Variants in ATF1 observed in about 807,000 individuals in gnomAD.
The protein encoded by ATF1 is cyclic AMP-dependent transcription factor ATF-1.
ATF1 carries 16 observed loss-of-function variants against 34.7 expected under a neutral mutation model. The observed-to-expected ratio is 0.46, with a 90% CI of 0.31 to 0.70. ATF1 has a LOEUF of 0.70. ATF1 is among the 30% of genes least tolerant of loss of function. ATF1 has a pLI of 0.05. For missense variants in ATF1, 255 were observed against 321.6 expected (o/e 0.79, Z 1.58); for synonymous variants, 105 against 113.1 (o/e 0.93, Z 0.46).
At position 50,776,512 on chromosome 12, in the gene ATF1, A is replaced by G. The variant is rs1018620852; in HGVS notation, c.-6-3628A>G. ...TGTCTTTAAAAAAAAAAAAAAAAAA[A>G]GAAGGAAAACACTTGAGACTCTGGT... On this transcript the variant is annotated intron_variant, in intron 1 of 6. Transcript: ENST00000262053. 1.5e-4 allele frequency among the ~76,000 whole-genome samples: 23 copies of G among 149,512 alleles called. 1 individual carries two copies. Among genetic ancestry groups the G allele is most frequent in the Admixed American group, 1.3e-3 (19 of 14,906 alleles).
At chr12:50,800,560 A>C (rs961250391) in intron 3 of ATF1, among the ~76,000 whole-genome samples, 3 of 152,164 alleles carry the variant, frequency 2.0e-5, no homozygotes, top group African/African-American at 7.2e-5. Context: ...CGGGTGAGCG[A>C]GCCTTAGCAC....
At chr12:50,812,451 C>G (rs1941756578) in intron 4 of ATF1, among the ~76,000 whole-genome samples, 1 of 152,002 alleles carries the variant, frequency 6.6e-6, no homozygotes, top group African/African-American at 2.4e-5. Flanking sequence ...TATGTTGATA[C>G]TTATATAAAT....
intron 3 of ATF1, among the ~76,000 whole-genome samples, chr12:50,796,836 G>A (rs568370028): frequency 2.6e-5 from 4 of 152,142 alleles, no homozygotes; most frequent in African/African-American, 9.6e-5. Flanking sequence ...TAAGCTCTTC[G>A]ACATTGACCT....
intron 1 of ATF1, among the ~76,000 whole-genome samples, chr12:50,765,496 T>G (rs1940610848): frequency 6.6e-6 from 1 of 152,300 alleles, no homozygotes. Flanking sequence ...GTGCTATCTT[T>G]GCCAGTTTTT....
In ATF1 at chr12:50,820,567, A is replaced by G. The variant is rs1443241234; in HGVS notation, c.*788A>G. On this transcript the variant is annotated 3_prime_UTR_variant, in exon 7 of 7. Coordinates refer to ENST00000262053, the MANE Select transcript of ATF1 (RefSeq NM_005171.5). ...GAGTCTATATTCTGTATGCAGTTGA[A>G]TATCCATTACTTATTCTGCTGTGCT... 1.1e-5 allele frequency: 2 copies of G among 179,452 alleles called. No homozygotes were observed. Among genetic ancestry groups the G allele is most frequent in the African/African-American group, 4.7e-5 (2 of 42,436 alleles). 11.1% of individuals were successfully genotyped at this position (179,452 alleles called of 1,614,324 possible).
At chr12:50,812,679 C>T (rs1483911076) in intron 4 of ATF1, among the ~76,000 whole-genome samples, 1 of 151,994 alleles carries the variant, frequency 6.6e-6, no homozygotes, top group Non-Finnish European at 1.5e-5. Flanking sequence ...TAAAAATTAG[C>T]TGAGCATGTC....
chr12:50,811,216 C>T (rs1162648787), intron 4 of ATF1, among the ~76,000 whole-genome samples: 1 of 152,150 alleles, frequency 6.6e-6, no homozygotes, highest in South Asian at 2.1e-4. Flanking sequence ...ATATGTGGCT[C>T]CTCCCTTTAG....
At chr12:50,809,313 G>T in intron 3 of ATF1, 143 bp from the exon 4 acceptor site, 1 of 661,942 alleles carries the variant, frequency 1.5e-6, no homozygotes, top group Admixed American at 3.1e-5. Context: ...AGCAGAGGTT[G>T]CAGTGAGCCA....
intron 3 of ATF1, among the ~76,000 whole-genome samples, chr12:50,801,885 CCT>C (rs10585154): frequency 0.017 from 2,636 of 152,092 alleles, 80 homozygotes; most frequent in African/African-American, 0.061. Context: ...GTGGATATCC[CCT>C]CTCACCACTT....
In ATF1 at chr12:50,809,450, T is replaced by A; in HGVS notation, c.195-6T>A. ...ATGTTTAATAGAGTTCTGGTTTTTT[T>A]TACAGAAAAATTTTGAAAGACTTAT... On this transcript the variant is annotated splice_region_variant and splice_polypyrimidine_tract_variant and intron_variant, in intron 3 of 6. Coordinates refer to ENST00000262053, the MANE Select transcript of ATF1 (RefSeq NM_005171.5). The A allele has an allele frequency of 6.2e-7, 1 of 1,608,870 alleles. No individual in the cohort carries two copies. Among genetic ancestry groups the A allele is most frequent in the Non-Finnish European group, 8.5e-7 (1 of 1,176,764 alleles).
chr12:50,803,632 A>C (rs1261877055), intron 3 of ATF1, among the ~76,000 whole-genome samples: 3 of 152,222 alleles, frequency 2.0e-5, no homozygotes, highest in Non-Finnish European at 4.4e-5. Flanking sequence ...CATTTATATG[A>C]AAACTTGTTC....
chr12:50,763,652 A>AG (rs1335584276), upstream of ATF1: 1 of 152,042 alleles, frequency 6.6e-6, no homozygotes, highest in African/African-American at 2.4e-5. Flanking sequence ...AAAAAAAAAA[A>AG]AAAAAAAAAA....
intron 2 of ATF1, among the ~76,000 whole-genome samples, chr12:50,784,540 G>A (rs530744876): frequency 1.3e-5 from 2 of 152,286 alleles, no homozygotes; most frequent in Non-Finnish European, 2.9e-5. Context: ...AGAGGATGAG[G>A]CAGAGAGGGT....
chr12:50,789,212 C>T (rs1033393336), intron 2 of ATF1, among the ~76,000 whole-genome samples: 2 of 151,874 alleles, frequency 1.3e-5, no homozygotes, highest in Non-Finnish European at 2.9e-5. Context: ...GGACTACAGG[C>T]GTGCGCCACC....
chr12:50,777,092 G>A (rs1431304719), intron 1 of ATF1, among the ~76,000 whole-genome samples: 1 of 152,160 alleles, frequency 6.6e-6, no homozygotes, highest in Non-Finnish European at 1.5e-5. Flanking sequence ...GACCTCAGAT[G>A]ATCTGCCCAC....
At chr12:50,780,652 T>TA (rs112410474) in intron 2 of ATF1, among the ~76,000 whole-genome samples, 33,252 of 139,526 alleles carry the variant, frequency 0.24, 4,575 homozygotes, top group Non-Finnish European at 0.32. Flanking sequence ...GCATTAATGT[T>TA]AAAAAAAAAA....
At chr12:50,776,817 T>TA (rs1260957475) in intron 1 of ATF1, among the ~76,000 whole-genome samples, 1 of 152,182 alleles carries the variant, frequency 6.6e-6, no homozygotes, top group Non-Finnish European at 1.5e-5. Flanking sequence ...ATTGTTTTAG[T>TA]AAAAAATACA....
chr12:50,808,335 T>G (rs1941660483), intron 3 of ATF1, among the ~76,000 whole-genome samples: 1 of 152,100 alleles, frequency 6.6e-6, no homozygotes, highest in Non-Finnish European at 1.5e-5. Context: ...TTGTTTGTTT[T>G]TGTTTCTTTT....
chr12:50,780,510 A>G (rs928327801), intron 2 of ATF1, among the ~76,000 whole-genome samples: 1 of 151,606 alleles, frequency 6.6e-6, no homozygotes, highest in South Asian at 2.1e-4. Flanking sequence ...ACGCCTGGCT[A>G]TTTTTTGTAT....
Sources: allele counts gnomAD v4.1 joint callset (sites outside exome capture counted in the v4.1 genomes callset), GRCh38; gene constraint gnomAD v4.1.1; transcripts MANE v1.5; gene names NCBI Gene and HGNC (gene_info 2026-07-23, HGNC 2026-07-21).